Variants in BMP6 observed in about 807,000 individuals in gnomAD.
BMP6 encodes VG-1-R.
Under a neutral mutation model 54.1 loss-of-function variants are expected in BMP6, and 17 were observed. The observed-to-expected ratio is 0.31, with a 90% CI of 0.22 to 0.47. BMP6 has a LOEUF of 0.47. Ranked by LOEUF, BMP6 falls within the 20% of genes least tolerant of loss-of-function variation. The pLI, the probability that BMP6 is intolerant of heterozygous loss-of-function variation, is 1.00. For missense variants in BMP6, 720 were observed against 690.4 expected (o/e 1.04, Z -0.48); for synonymous variants, 328 against 291.2 (o/e 1.13, Z -1.28).
Position 7,727,276 on chromosome 6 carries a change from C to G in BMP6, c.321C>G (p.Leu107=). 6.2e-7 allele frequency: 1 copy of G among 1,605,980 alleles called. No individual in the cohort carries two copies. ...TCCAACAGCCGCAGCCCCCGGCGCTCCGGCAGCAGGAGGAGCAGCAGCAGC... is the reference window on the plus strand; with the variant it reads ...TCCAACAGCCGCAGCCCCCGGCGCTGCGGCAGCAGGAGGAGCAGCAGCAGC... ...HGLQQPQPPA[L]RQQEEQQQQQ... The change falls in exon 1 of 7, where the codon CTC becomes CTG. Residue 107 remains leucine (L), a synonymous_variant. Transcript: ENST00000283147.
intron 4 of BMP6, among the ~76,000 whole-genome samples, chr6:7,867,476 C>G (rs1361857719): frequency 6.6e-6 from 1 of 152,192 alleles, no homozygotes; most frequent in Non-Finnish European, 1.5e-5. Flanking sequence ...GTTACAGTGT[C>G]CTCACTACTT....
chr6:7,727,164 G>A lies in BMP6; in HGVS notation c.209G>A (p.Arg70Gln), dbSNP rs745510672. ...TCCTCCTCGGGCTTCCTGTACCGGC[G>A]GCTCAAGACGCAGGAGAAGCGGGAG... ...PQSSSGFLYR[R>Q]LKTQEKREMQ... Residue 70 changes from arginine to glutamine, a missense_variant, in exon 1 of 7, where the codon CGG becomes CAG. Coordinates refer to ENST00000283147, the MANE Select transcript of BMP6 (RefSeq NM_001718.6). 1.1e-5 allele frequency: 17 copies of A among 1,590,798 alleles called. No homozygotes were observed. Among genetic ancestry groups the A allele is most frequent in the Non-Finnish European group, 1.4e-5 (16 of 1,170,084 alleles).
At chr6:7,868,814 C>T (rs1410539155) in intron 4 of BMP6, among the ~76,000 whole-genome samples, 8 of 152,320 alleles carry the variant, frequency 5.3e-5, no homozygotes, top group South Asian at 2.1e-4. Flanking sequence ...CCAGGGCAGC[C>T]GAGTGGCCCC....
At chr6:7,797,968 T>G (rs893705430) in intron 1 of BMP6, among the ~76,000 whole-genome samples, 4 of 152,256 alleles carry the variant, frequency 2.6e-5, no homozygotes, top group Non-Finnish European at 5.9e-5. Context: ...AAAGATCAGA[T>G]GTCCTTCCCC....
intron 1 of BMP6, among the ~76,000 whole-genome samples, chr6:7,813,336 T>C (rs1758468641): frequency 6.8e-6 from 1 of 146,018 alleles, no homozygotes; most frequent in African/African-American, 2.5e-5. Flanking sequence ...AAAAATATAT[T>C]TGAGGCCAGA....
At chr6:7,879,877 C>T in intron 5 of BMP6, 114 bp from the exon 6 acceptor site, 1 of 1,074,304 alleles carries the variant, frequency 9.3e-7, no homozygotes, top group Non-Finnish European at 1.4e-6. Context: ...CTTCCTGCGT[C>T]TGTATCCTTG....
chr6:7,744,485 A>G (rs1319823992), intron 1 of BMP6, among the ~76,000 whole-genome samples: 1 of 152,174 alleles, frequency 6.6e-6, no homozygotes, highest in Admixed American at 6.5e-5. Flanking sequence ...CAAAACAAAA[A>G]GTTGCAGACA....
intron 1 of BMP6, among the ~76,000 whole-genome samples, chr6:7,733,498 C>T (rs1761904827): frequency 6.6e-6 from 1 of 152,158 alleles, no homozygotes; most frequent in South Asian, 2.1e-4. Context: ...TACACATTAA[C>T]CATCCTGTCC....
At chr6:7,729,614 AT>A (rs1011400598) in intron 1 of BMP6, among the ~76,000 whole-genome samples, 14 of 152,086 alleles carry the variant, frequency 9.2e-5, no homozygotes, top group Admixed American at 2.6e-4. Context: ...CACAGGCATC[AT>A]TTTTTTTAAG....
At position 7,727,281 on chromosome 6, in the gene BMP6, A is replaced by G. The variant is rs760992636; in HGVS notation, c.326A>G (p.Gln109Arg). 9 of 1,606,168 alleles carry G rather than the reference A, an allele frequency of 5.6e-6. No homozygotes were observed. The highest frequency in any genetic ancestry group is 1.7e-4 in the Middle Eastern group (1 of 6,004). ...CAGCCGCAGCCCCCGGCGCTCCGGC[A>G]GCAGGAGGAGCAGCAGCAGCAGCAG... Reference protein sequence around the residue: ...LQQPQPPALRQQEEQQQQQQL... With the variant: ...LQQPQPPALRRQEEQQQQQQL... The change falls in exon 1 of 7, where the codon CAG becomes CGG. Residue 109 changes from glutamine to arginine, a missense_variant. Transcript: ENST00000283147.
rs143823606 is a variant in BMP6, at chr6:7,753,587, G to T, written c.664+25968G>T. On this transcript the variant is annotated intron_variant, in intron 1 of 6. Transcript: ENST00000283147. Reference sequence around the variant, plus strand: ...TTCAGAAGCACCCATATTACAAAGAGCTTGAGTTATTCTGGGGAGGTAAGG... The same window carrying T: ...TTCAGAAGCACCCATATTACAAAGATCTTGAGTTATTCTGGGGAGGTAAGG... 2.5e-3 allele frequency among the ~76,000 whole-genome samples: 380 copies of T among 152,284 alleles called. 1 individual carries two copies. The highest frequency in any genetic ancestry group is 8.8e-3 in the African/African-American group (367 of 41,566).
intron 1 of BMP6, among the ~76,000 whole-genome samples, chr6:7,758,546 A>G (rs904586253): frequency 6.6e-6 from 1 of 152,188 alleles, no homozygotes; most frequent in Non-Finnish European, 1.5e-5. Flanking sequence ...TTAAAACAAG[A>G]TCAACAAAAC....
intron 1 of BMP6, among the ~76,000 whole-genome samples, chr6:7,777,329 C>T (rs975671189): frequency 2.2e-4 from 33 of 152,318 alleles, no homozygotes; most frequent in African/African-American, 6.5e-4. Flanking sequence ...ATACTTCAAA[C>T]GGGCAGCCTT....
chr6:7,796,235 T>C (rs1197291138), intron 1 of BMP6, among the ~76,000 whole-genome samples: 1 of 152,208 alleles, frequency 6.6e-6, no homozygotes, highest in Non-Finnish European at 1.5e-5. Context: ...ATCAGTAATG[T>C]CACATTCTGC....
chr6:7,878,751 C>T (rs966109990), intron 4 of BMP6, among the ~76,000 whole-genome samples: 5 of 152,258 alleles, frequency 3.3e-5, no homozygotes, highest in African/African-American at 7.2e-5. Flanking sequence ...GGTCTGGCGC[C>T]TCTGGGGTGT....
intron 1 of BMP6, among the ~76,000 whole-genome samples, chr6:7,843,742 T>C (rs567536001): frequency 6.6e-6 from 1 of 152,216 alleles, no homozygotes; most frequent in South Asian, 2.1e-4. Flanking sequence ...ACAGCAATTA[T>C]AAGTGAGGCA....
At chr6:7,859,841 T>A (rs1206193127) in intron 2 of BMP6, among the ~76,000 whole-genome samples, 1 of 152,180 alleles carries the variant, frequency 6.6e-6, no homozygotes, top group African/African-American at 2.4e-5. Context: ...GACTTTTAAC[T>A]GTGCCTACTG....
At chr6:7,737,873 G>A (rs184305146) in intron 1 of BMP6, among the ~76,000 whole-genome samples, 14 of 152,154 alleles carry the variant, frequency 9.2e-5, no homozygotes, top group Admixed American at 7.2e-4. Flanking sequence ...GCTTATGATC[G>A]GTTTATTATA....
At chr6:7,741,913 T>C (rs114575713) in intron 1 of BMP6, among the ~76,000 whole-genome samples, 54 of 152,372 alleles carry the variant, frequency 3.5e-4, no homozygotes, top group African/African-American at 1.3e-3. Flanking sequence ...TTATTCATCT[T>C]TGACACATCC....
Sources: gnomAD v4.1 joint callset for allele counts (sites outside exome capture counted in the v4.1 genomes callset) on GRCh38, gnomAD v4.1.1 for gene constraint, MANE v1.5 for transcripts, NCBI Gene and HGNC (gene_info 2026-07-23, HGNC 2026-07-21) for gene names.